FRMPD4: variants seen among roughly 807,000 people sequenced by gnomAD.
FRMPD4 encodes the protein FERM and PDZ domain containing 4.
FRMPD4 carries 22 observed loss-of-function variants against 94.1 expected under a neutral mutation model. The observed-to-expected ratio is 0.23, with a 90% CI of 0.17 to 0.33. FRMPD4 has a LOEUF of 0.33. Ranked by LOEUF, FRMPD4 falls within the 10% of genes least tolerant of loss-of-function variation. The probability of loss-of-function intolerance (pLI) is 1.00; values close to 1 mark genes in which losing one functional copy is unlikely to be tolerated. For synonymous variants in FRMPD4, 631 were observed against 548.6 expected (o/e 1.15, Z -2.10); for missense variants, 1,111 against 1,339.9 (o/e 0.83, Z 2.67).
intron 1 of FRMPD4, among the ~76,000 whole-genome samples, chrX:12,155,054 G>A (rs1163601615): frequency 8.9e-6 from 1 of 112,056 alleles, no homozygotes; most frequent in Admixed American, 9.5e-5. Context: ...TGCTCAAAGT[G>A]GGTCACATGG....
intron 3 of FRMPD4, among the ~76,000 whole-genome samples, chrX:12,016,061 T>G (rs2054603361): frequency 1.8e-5 from 2 of 112,374 alleles, no homozygotes; most frequent in African/African-American, 6.5e-5. Flanking sequence ...GGAAAACTAT[T>G]TTACCTAGAG....
chrX:11,932,730 G>T (rs2054128824), intron 3 of FRMPD4, among the ~76,000 whole-genome samples: 1 of 109,534 alleles, frequency 9.1e-6, no homozygotes, highest in Non-Finnish European at 1.9e-5. Context: ...GTCTGTTCCT[G>T]GGTGCCTTTA....
At chrX:12,565,086 C>CAAA (rs33995881) in intron 2 of FRMPD4, among the ~76,000 whole-genome samples, 36 of 100,584 alleles carry the variant, frequency 3.6e-4, no homozygotes, top group Admixed American at 7.6e-4. Context: ...GACTCAGTCT[C>CAAA]AAAAAAAAAA....
At chrX:12,385,303 C>T (rs1236119165) in intron 1 of FRMPD4, among the ~76,000 whole-genome samples, 1 of 112,525 alleles carries the variant, frequency 8.9e-6, no homozygotes, top group African/African-American at 3.2e-5. Flanking sequence ...TGCAGAATTT[C>T]AGTGTAATCA....
intron 8 of FRMPD4, among the ~76,000 whole-genome samples, chrX:12,690,905 T>C (rs1418334546): frequency 8.9e-6 from 1 of 111,908 alleles, no homozygotes; most frequent in Non-Finnish European, 1.9e-5. Context: ...CTGATTTTTC[T>C]TGTGACACAA....
At chrX:12,042,529 T>C (rs1734946558) in intron 3 of FRMPD4, among the ~76,000 whole-genome samples, 1 of 111,499 alleles carries the variant, frequency 9.0e-6, no homozygotes, top group Non-Finnish European at 1.9e-5. Flanking sequence ...AATAATTGGG[T>C]AGAGGTTTTG....
intron 3 of FRMPD4, among the ~76,000 whole-genome samples, chrX:11,980,233 A>G (rs1426228587): frequency 8.9e-6 from 1 of 111,900 alleles, no homozygotes; most frequent in Non-Finnish European, 1.9e-5. Context: ...ATCTATTTCA[A>G]ACGTTTGCAT....
intron 1 of FRMPD4, among the ~76,000 whole-genome samples, chrX:11,853,893 C>A (rs1413970635): frequency 1.8e-5 from 2 of 112,305 alleles, no homozygotes; most frequent in African/African-American, 6.5e-5. Context: ...AGGCCAGCAT[C>A]ATCCTGATAC....
chrX:12,322,609 G>C (rs2055222764), intron 1 of FRMPD4, among the ~76,000 whole-genome samples: 1 of 110,669 alleles, frequency 9.0e-6, no homozygotes, highest in Non-Finnish European at 1.9e-5. Flanking sequence ...GTCGTAGTTT[G>C]AGTTGGGAGT....
chrX:12,266,213 G>C (rs1345654299), intron 1 of FRMPD4, among the ~76,000 whole-genome samples: 1 of 101,347 alleles, frequency 9.9e-6, no homozygotes, highest in Non-Finnish European at 2.0e-5. Flanking sequence ...TATTATTATA[G>C]ATGGCAAAAT....
At chrX:12,310,686 G>C (rs1305920764) in intron 1 of FRMPD4, among the ~76,000 whole-genome samples, 2 of 112,165 alleles carry the variant, frequency 1.8e-5, no homozygotes, top group African/African-American at 3.2e-5. Flanking sequence ...ATGCAGCCAG[G>C]TTAACTTAAT....
chrX:11,926,241 A>G (rs1234518897), intron 3 of FRMPD4, among the ~76,000 whole-genome samples: 1 of 99,780 alleles, frequency 1.0e-5, no homozygotes, highest in Non-Finnish European at 2.0e-5. Context: ...TGAGGTAATA[A>G]TAAAAAGCTT....
intron 1 of FRMPD4, among the ~76,000 whole-genome samples, chrX:12,475,401 A>G (rs999183970): frequency 1.8e-5 from 2 of 111,831 alleles, no homozygotes; most frequent in African/African-American, 6.5e-5. Flanking sequence ...GAAAACTGGC[A>G]CAAGACAGGG....
chrX:12,178,416 G>A (rs773227931), intron 1 of FRMPD4, among the ~76,000 whole-genome samples: 4 of 112,116 alleles, frequency 3.6e-5, no homozygotes, highest in African/African-American at 1.3e-4. Context: ...TGCTACTCTA[G>A]TCTGCATGAT....
rs1215601767 is a variant in FRMPD4, at chrX:12,331,756, AC to A, written c.42-166923del. Among the ~76,000 whole-genome samples, 481 of 61,473 alleles carry A rather than the reference AC, an allele frequency of 7.8e-3. 14 individuals carry two copies. Among genetic ancestry groups the A allele is most frequent in the Non-Finnish European group, 0.011 (405 of 36,742 alleles). 53.4% of individuals were successfully genotyped at this position (61,473 alleles called of 115,157 possible). ...AAATATATAATTTATATATTTATATACTATATATAAATTATATATTATATAT... is the reference window on the plus strand; with the variant it reads ...AAATATATAATTTATATATTTATATATATATATAAATTATATATTATATAT... On this transcript the variant is annotated intron_variant, in intron 1 of 16. Coordinates refer to ENST00000675598, the MANE Select transcript of FRMPD4 (RefSeq NM_001368397.1).
chrX:12,168,603 G>A (rs1249850985), intron 1 of FRMPD4, among the ~76,000 whole-genome samples: 1 of 106,100 alleles, frequency 9.4e-6, no homozygotes, highest in African/African-American at 3.4e-5. Context: ...ATTTTTAGAG[G>A]GTCTTAAAGA....
At chrX:12,649,368 A>C (rs928408702) in intron 4 of FRMPD4, among the ~76,000 whole-genome samples, 1 of 111,890 alleles carries the variant, frequency 8.9e-6, no homozygotes, top group African/African-American at 3.3e-5. Context: ...GATTACTAAT[A>C]ATTTTTAATG....
At chrX:12,423,597 C>T (rs1439269945) in intron 1 of FRMPD4, among the ~76,000 whole-genome samples, 1 of 112,090 alleles carries the variant, frequency 8.9e-6, no homozygotes, top group East Asian at 2.8e-4. Flanking sequence ...GGAAAAATAA[C>T]CTCATCAATG....
At chrX:12,207,745 C>T (rs1344069155) in intron 1 of FRMPD4, among the ~76,000 whole-genome samples, 4 of 109,299 alleles carry the variant, frequency 3.7e-5, no homozygotes, top group Non-Finnish European at 5.7e-5. Flanking sequence ...TTCTGGAAAT[C>T]GGGAGGGGGA....
Sources: gnomAD v4.1 joint callset for allele counts (sites outside exome capture counted in the v4.1 genomes callset) on GRCh38, gnomAD v4.1.1 for gene constraint, MANE v1.5 for transcripts, NCBI Gene and HGNC (gene_info 2026-07-23, HGNC 2026-07-21) for gene names.